IL1RAPL2: variants seen among roughly 807,000 people sequenced by gnomAD.
The protein encoded by IL1RAPL2 is X-linked interleukin-1 receptor accessory protein-like 2.
Under a neutral mutation model 44.1 loss-of-function variants are expected in IL1RAPL2, and 3 were observed. The observed-to-expected ratio is 0.07, with a 90% CI of 0.03 to 0.18. The LOEUF is 0.18. Among genes scored for constraint, IL1RAPL2 ranks in the 10% least tolerant of loss-of-function variants. IL1RAPL2 has a pLI of 1.00. For synonymous variants in IL1RAPL2, 181 were observed against 178.8 expected (o/e 1.01, Z -0.10); for missense variants, 391 against 496.4 (o/e 0.79, Z 2.02).
intron 6 of IL1RAPL2, among the ~76,000 whole-genome samples, chrX:105,699,304 A>T (rs762847266): frequency 7.2e-5 from 8 of 111,123 alleles, no homozygotes; most frequent in Non-Finnish European, 1.5e-4. Context: ...GACAAATTAT[A>T]CTTTACAGAT....
intron 3 of IL1RAPL2, chrX:105,220,631 C>A (rs1214676265): frequency 2.7e-5 from 9 of 335,473 alleles, no homozygotes; most frequent in Non-Finnish European, 4.1e-5. Context: ...CAGGCCAACC[C>A]CGCTGTCTTA....
At chrX:105,219,936 T>TA in intron 3 of IL1RAPL2, 2 of 1,173,195 alleles carry the variant, frequency 1.7e-6, no homozygotes, top group South Asian at 3.8e-5. Context: ...TGAGGGATCT[T>TA]ACTGCATGGA....
At chrX:105,240,578 A>G (rs1251285885) in intron 4 of IL1RAPL2, among the ~76,000 whole-genome samples, 1 of 111,839 alleles carries the variant, frequency 8.9e-6, no homozygotes, top group Non-Finnish European at 1.9e-5. Context: ...AAAAGACACC[A>G]TATTTCTAGG....
chrX:105,008,006 G>T (rs1327592971), intron 2 of IL1RAPL2, among the ~76,000 whole-genome samples: 1 of 1,066 alleles, frequency 9.4e-4, no homozygotes, highest in Non-Finnish European at 1.9e-3. Flanking sequence ...ATTGCCAAGG[G>T]CAATACTATC....
chrX:105,211,557 A>C (rs113710049), intron 3 of IL1RAPL2, among the ~76,000 whole-genome samples: 3,717 of 111,138 alleles, frequency 0.033, 186 homozygotes, highest in African/African-American at 0.12. Flanking sequence ...GGAATGCAGG[A>C]ATCTCCACTA....
intron 2 of IL1RAPL2, among the ~76,000 whole-genome samples, chrX:104,964,499 G>A (rs1319122871): frequency 9.2e-6 from 1 of 108,862 alleles, no homozygotes; most frequent in Non-Finnish European, 1.9e-5. Context: ...TTTTAGTAGA[G>A]ACGGGGTTTC....
chrX:105,757,665 G>A (rs1255733495), intron 10 of IL1RAPL2, among the ~76,000 whole-genome samples: 1 of 111,762 alleles, frequency 8.9e-6, no homozygotes, highest in East Asian at 2.8e-4. Context: ...CCTTTTACAA[G>A]TAAGCCATTT....
chrX:104,918,801 G>A (rs946325809), intron 2 of IL1RAPL2, among the ~76,000 whole-genome samples: 3 of 111,794 alleles, frequency 2.7e-5, no homozygotes, highest in African/African-American at 6.5e-5. Flanking sequence ...TTGGACCATG[G>A]TCTGGAAGCC....
intron 7 of IL1RAPL2, among the ~76,000 whole-genome samples, chrX:105,725,486 T>C (rs2038342334): frequency 9.0e-6 from 1 of 111,352 alleles, no homozygotes; most frequent in African/African-American, 3.3e-5. Flanking sequence ...CATCCTCTCC[T>C]TGCATGACTG....
At chrX:105,122,653 TA>T (rs1322551514) in intron 2 of IL1RAPL2, among the ~76,000 whole-genome samples, 1 of 111,889 alleles carries the variant, frequency 8.9e-6, no homozygotes, top group Non-Finnish European at 1.9e-5. Flanking sequence ...ATCTTATTTA[TA>T]AATAAAAATC....
chrX:105,070,707 A>T lies in IL1RAPL2; in HGVS notation c.83-124768A>T, dbSNP rs980670336. Among the ~76,000 whole-genome samples the T allele has an allele frequency of 3.1e-4, 33 of 106,309 alleles. No individual in the cohort carries two copies. The Admixed American group carries it at 3.2e-3, about 10-fold the overall frequency. The allele number at this position is 106,309 out of a possible 115,157, so 92.3% of individuals were successfully genotyped here. On this transcript the variant is annotated intron_variant, in intron 2 of 10. Coordinates refer to ENST00000372582, the MANE Select transcript of IL1RAPL2 (RefSeq NM_017416.2). ...AGACTCTGTCTCAAAAAATAAAAAT[A>T]AAAAAATATATATATATATTTATGT...
intron 7 of IL1RAPL2, among the ~76,000 whole-genome samples, chrX:105,717,893 C>T (rs938977747): frequency 1.2e-4 from 13 of 112,080 alleles, no homozygotes; most frequent in Non-Finnish European, 1.1e-4. Flanking sequence ...CAATGGTAAG[C>T]TGGTCTTCAG....
intron 5 of IL1RAPL2, among the ~76,000 whole-genome samples, chrX:105,472,707 T>G (rs2036173252): frequency 9.0e-6 from 1 of 111,661 alleles, no homozygotes; most frequent in African/African-American, 3.2e-5. Context: ...ATTAAATTAG[T>G]TCTCATCGGT....
chrX:105,492,830 G>C (rs996484722), intron 6 of IL1RAPL2, among the ~76,000 whole-genome samples: 12 of 110,296 alleles, frequency 1.1e-4, no homozygotes, highest in South Asian at 3.9e-4. Context: ...AATGATTTTT[G>C]GTCTATTCAC....
At chrX:104,757,777 G>A (rs1441592235) in intron 2 of IL1RAPL2, among the ~76,000 whole-genome samples, 1 of 111,221 alleles carries the variant, frequency 9.0e-6, no homozygotes, top group Non-Finnish European at 1.9e-5. Flanking sequence ...TAACCAGAAA[G>A]CAGAATAAAA....
chrX:105,277,691 G>C (rs1270270916), intron 5 of IL1RAPL2, among the ~76,000 whole-genome samples: 1 of 111,152 alleles, frequency 9.0e-6, no homozygotes, highest in Non-Finnish European at 1.9e-5. Context: ...CATAACTAAT[G>C]GTGGGAATTT....
chrX:104,719,318 CTT>C (rs746977195), intron 2 of IL1RAPL2, among the ~76,000 whole-genome samples: 1 of 111,835 alleles, frequency 8.9e-6, no homozygotes, highest in East Asian at 2.8e-4. Context: ...CTGAAATAGT[CTT>C]TATGTAGTTT....
intron 2 of IL1RAPL2, among the ~76,000 whole-genome samples, chrX:104,704,536 G>A (rs1356547689): frequency 9.0e-6 from 1 of 111,295 alleles, no homozygotes; most frequent in African/African-American, 3.3e-5. Flanking sequence ...TGCTATAATG[G>A]ACTGTGTTCT....
chrX:104,905,776 T>C (rs1212633939), intron 2 of IL1RAPL2, among the ~76,000 whole-genome samples: 2 of 111,467 alleles, frequency 1.8e-5, no homozygotes, highest in African/African-American at 6.5e-5. Context: ...AGGATTGACT[T>C]GGCGATCTGG....
Sources: gnomAD v4.1 joint callset for allele counts (sites outside exome capture counted in the v4.1 genomes callset) on GRCh38, gnomAD v4.1.1 for gene constraint, MANE v1.5 for transcripts, NCBI Gene and HGNC (gene_info 2026-07-23, HGNC 2026-07-21) for gene names.